The following PTPRZ1 variants were observed in gnomAD, a reference collection of about 807,000 sequenced individuals.
PTPRZ1 encodes receptor-type tyrosine-protein phosphatase zeta.
PTPRZ1 carries 82 observed loss-of-function variants against 214.1 expected under a neutral mutation model. The ratio of observed to expected loss-of-function variants is 0.38; its 90% confidence interval spans 0.32 to 0.46. PTPRZ1 has a LOEUF of 0.46. Among genes scored for constraint, PTPRZ1 ranks in the 20% least tolerant of loss-of-function variants. PTPRZ1 has a pLI of 1.00. For missense variants in PTPRZ1, 2,603 were observed against 2,748.7 expected (o/e 0.95, Z 1.19); for synonymous variants, 945 against 987.9 (o/e 0.96, Z 0.81).
chr7:122,037,389 T>G (rs934323540), intron 18 of PTPRZ1, among the ~76,000 whole-genome samples: 1 of 152,196 alleles, frequency 6.6e-6, no homozygotes, highest in African/African-American at 2.4e-5. Context: ...GTAGTACTGA[T>G]TAAAAGGCAA....
rs562802514 is a variant in PTPRZ1, at chr7:122,040,595, C to G, written c.5638-221C>G. On this transcript the variant is annotated intron_variant, in intron 20 of 29. Transcript: ENST00000393386. Reference sequence around the variant, plus strand: ...AACATTTTGTGTGATTAGTGTTGACCAAACAATGGGCCACCATAGTATAGC... The same window carrying G: ...AACATTTTGTGTGATTAGTGTTGACGAAACAATGGGCCACCATAGTATAGC... Among the ~76,000 whole-genome samples the G allele has an allele frequency of 3.3e-5, 5 of 152,214 alleles. No individual in the cohort carries two copies. In the South Asian group the frequency reaches 1.0e-3, roughly 32 times the overall value.
intron 14 of PTPRZ1, among the ~76,000 whole-genome samples, chr7:122,029,647 C>T (rs1353997791): frequency 6.6e-6 from 1 of 151,776 alleles, no homozygotes; most frequent in Non-Finnish European, 1.5e-5. Context: ...TCAAGTTCTA[C>T]AGGATGTTAT....
chr7:121,972,005 G>A (rs1353018341), intron 3 of PTPRZ1, among the ~76,000 whole-genome samples: 1 of 152,136 alleles, frequency 6.6e-6, no homozygotes, highest in Admixed American at 6.6e-5. Context: ...TCCTCCATAA[G>A]AATGAGTTTC....
chr7:121,877,249 A>G (rs1156385662), intron 1 of PTPRZ1, among the ~76,000 whole-genome samples: 1 of 152,214 alleles, frequency 6.6e-6, no homozygotes, highest in Non-Finnish European at 1.5e-5. Flanking sequence ...GTTGCCTAAC[A>G]TCACAAATCC....
chr7:122,002,812 G>A (rs748174355), intron 10 of PTPRZ1, among the ~76,000 whole-genome samples: 10 of 152,252 alleles, frequency 6.6e-5, no homozygotes, highest in Non-Finnish European at 7.4e-5. Flanking sequence ...CAGAGGAAAA[G>A]CCTACAGTAT....
rs116416387 is a variant in PTPRZ1 at position 122,047,574 on chromosome 7, C to T, written c.6084+3006C>T. On this transcript the variant is annotated intron_variant, in intron 23 of 29. Coordinates refer to ENST00000393386, the MANE Select transcript of PTPRZ1 (RefSeq NM_002851.3). ...GGCTGGAGGCTGAGGAAGTACTCTA[C>T]GGTTTCTATTATCTGTGAAGAGAAG... Among the ~76,000 whole-genome samples the T allele has an allele frequency of 4.1e-3, 613 of 151,282 alleles. 7 individuals are homozygous for T. Among genetic ancestry groups the T allele is most frequent in the African/African-American group, 0.014 (562 of 41,186 alleles).
intron 6 of PTPRZ1, among the ~76,000 whole-genome samples, chr7:121,979,867 G>T (rs911169671): frequency 6.6e-6 from 1 of 152,116 alleles, no homozygotes; most frequent in African/African-American, 2.4e-5. Flanking sequence ...AAACACTGTA[G>T]TGAAATTTTG....
chr7:121,970,155 T>C (rs913948254), intron 3 of PTPRZ1, among the ~76,000 whole-genome samples: 3 of 152,144 alleles, frequency 2.0e-5, no homozygotes, highest in African/African-American at 7.2e-5. Context: ...GGCTGCATAG[T>C]ATTCCATGGT....
At chr7:121,985,604 T>C (rs1797742913) in intron 8 of PTPRZ1, among the ~76,000 whole-genome samples, 1 of 152,218 alleles carries the variant, frequency 6.6e-6, no homozygotes. Flanking sequence ...GGCATATTCC[T>C]CTCCACTGTC....
At chr7:121,973,856 C>A (rs1475999472) in intron 4 of PTPRZ1, among the ~76,000 whole-genome samples, 2 of 146,600 alleles carry the variant, frequency 1.4e-5, no homozygotes, top group Non-Finnish European at 3.0e-5. Flanking sequence ...ATCACTTGAA[C>A]TCAGGAGGTG....
chr7:122,053,942 C>T lies in PTPRZ1; in HGVS notation c.6285C>T (p.Thr2095=). The T allele has an allele frequency of 1.9e-6, 3 of 1,612,988 alleles. No homozygotes were observed. The highest frequency in any genetic ancestry group is 2.5e-6 in the Non-Finnish European group (3 of 1,179,302). The change falls in exon 26 of 30, where the codon ACC becomes ACT. Residue 2095 remains threonine, a synonymous_variant. Coordinates refer to ENST00000393386, the MANE Select transcript of PTPRZ1 (RefSeq NM_002851.3). ...ACCAGAGCAATGAATTCATCATTACCCAGCACCCTCTCCTTCATACCATCA... is the reference window on the plus strand; with the variant it reads ...ACCAGAGCAATGAATTCATCATTACTCAGCACCCTCTCCTTCATACCATCA... The part of the protein sequence containing the change: ...GYYQSNEFII[T]QHPLLHTIKD...
At chr7:121,963,406 G>T (rs935412752) in intron 2 of PTPRZ1, among the ~76,000 whole-genome samples, 1 of 151,992 alleles carries the variant, frequency 6.6e-6, no homozygotes, top group Non-Finnish European at 1.5e-5. Context: ...TGTGTCATTC[G>T]TTTTTTCTTC....
chr7:121,948,519 G>A (rs1234831249), intron 2 of PTPRZ1, among the ~76,000 whole-genome samples: 4 of 152,066 alleles, frequency 2.6e-5, no homozygotes, highest in Non-Finnish European at 2.9e-5. Context: ...CAAAGGTGGG[G>A]AGGACCTTTC....
chr7:122,039,384 T>A, intron 19 of PTPRZ1, 70 bp from the exon 20 acceptor site: 3 of 1,532,338 alleles, frequency 2.0e-6, no homozygotes, highest in Non-Finnish European at 2.7e-6. Context: ...AGACCTTTAC[T>A]GATTTCAGGG....
At chr7:121,887,252 G>A (rs138145191) in intron 1 of PTPRZ1, among the ~76,000 whole-genome samples, 1,858 of 152,132 alleles carry the variant, frequency 0.012, 18 homozygotes, top group Non-Finnish European at 0.02. Context: ...AATATTTGTG[G>A]CATAAATGAG....
chr7:121,999,958 ATGC>A (rs1252704945), intron 10 of PTPRZ1, among the ~76,000 whole-genome samples: 2 of 152,116 alleles, frequency 1.3e-5, no homozygotes, highest in Non-Finnish European at 2.9e-5. Flanking sequence ...TAATAATGAG[ATGC>A]TTGTTTGGAT....
At chr7:121,921,763 G>A (rs1795603458) in intron 1 of PTPRZ1, among the ~76,000 whole-genome samples, 2 of 152,054 alleles carry the variant, frequency 1.3e-5, no homozygotes, top group Admixed American at 6.6e-5. Context: ...AGTTGAAATT[G>A]GAAAACAAAT....
intron 1 of PTPRZ1, among the ~76,000 whole-genome samples, chr7:121,894,442 G>C (rs1440148847): frequency 6.6e-6 from 1 of 152,054 alleles, no homozygotes; most frequent in African/African-American, 2.4e-5. Flanking sequence ...ATCTGCCTCT[G>C]TCACTCAGGC....
intron 1 of PTPRZ1, among the ~76,000 whole-genome samples, chr7:121,886,165 T>A (rs760857667): frequency 3.3e-5 from 5 of 152,070 alleles, no homozygotes; most frequent in African/African-American, 4.8e-5. Context: ...GATATAGACT[T>A]TTTTGTGTGG....
Sources: allele counts gnomAD v4.1 joint callset (sites outside exome capture counted in the v4.1 genomes callset), GRCh38; gene constraint gnomAD v4.1.1; transcripts MANE v1.5; gene names NCBI Gene and HGNC (gene_info 2026-07-23, HGNC 2026-07-21).